COBLL1: variants seen among roughly 807,000 people sequenced by gnomAD.
COBLL1 encodes cordon-bleu WH2 repeat protein like 1.
COBLL1 carries 50 observed loss-of-function variants against 94.8 expected under a neutral mutation model. The ratio of observed to expected loss-of-function variants is 0.53; its 90% confidence interval spans 0.42 to 0.67. COBLL1 has a LOEUF of 0.67. Ranked by LOEUF, COBLL1 falls within the 30% of genes least tolerant of loss-of-function variation. The pLI is 0.00. For synonymous variants in COBLL1, 448 were observed against 473.8 expected (o/e 0.95, Z 0.71); for missense variants, 1,362 against 1,348.7 (o/e 1.01, Z -0.15).
chr2:164,787,780 T>G (rs554280389), intron 2 of COBLL1, among the ~76,000 whole-genome samples: 1 of 152,174 alleles, frequency 6.6e-6, no homozygotes, highest in Non-Finnish European at 1.5e-5. Flanking sequence ...GCTCATAACA[T>G]CCCAACTTGT....
rs138148325 is a variant in COBLL1, at chr2:164,705,043, C to A, written c.1059G>T (p.Gly353=). The stretch of plus-strand genomic sequence containing the variant: ...GCTTTGTCCTTCTCAAAGATGAATT[C>A]CCTGCAGACATGCTGCTGAGCTGCA... The part of the protein sequence containing the change: ...GSLQLSSMSA[G]NSSLRRTKRK... Residue 353 remains glycine, a synonymous_variant, in exon 8 of 14, where the codon GGG becomes GGT. Transcript: ENST00000652658. 1.9e-6 allele frequency: 3 copies of A among 1,601,460 alleles called. No individual in the cohort carries two copies. The African/African-American group carries it at 4.0e-5, about 22-fold the overall frequency.
rs1225734804 is a variant in COBLL1 at position 164,685,277 on chromosome 2, TA to T, written c.*668del. 7 of 152,164 alleles carry T rather than the reference TA, an allele frequency of 4.6e-5. No individual in the cohort carries two copies. The highest frequency in any genetic ancestry group is 1.7e-4 in the African/African-American group (7 of 41,450). 9.4% of individuals were successfully genotyped at this position (152,164 alleles called of 1,614,324 possible). A position where few individuals can be genotyped will look rare whatever the true frequency, so the allele number is the denominator to read the frequency against. On this transcript the variant is annotated 3_prime_UTR_variant, in exon 14 of 14. Coordinates refer to ENST00000652658, the MANE Select transcript of COBLL1 (RefSeq NM_001365672.2). ...ATACAGAAAATATTTAAAATTCTTG[TA>T]GAATTTAAGTTCTAAAGATTAAAAA...
In COBLL1 at chr2:164,722,175, G is replaced by A. The variant is rs370133485; in HGVS notation, c.896C>T (p.Pro299Leu). 47 of 1,613,908 alleles carry A rather than the reference G, an allele frequency of 2.9e-5. No individual in the cohort carries two copies. Among genetic ancestry groups the A allele is most frequent in the Middle Eastern group, 1.6e-4 (1 of 6,082 alleles). Residue 299 changes from proline to leucine, a missense_variant, in exon 7 of 14, where the codon CCG (proline) becomes CTG (leucine). Transcript: ENST00000652658. ...APKKRRAPLP[P>L]MPASQSVPQD... ...GGGGACACTCTGAGATGCTGGCATC[G>A]GGGGCAGTGGAGCCCGCCTCTTCTT...
chr2:164,730,539 A>C (rs1201415227), intron 3 of COBLL1, among the ~76,000 whole-genome samples: 2 of 152,058 alleles, frequency 1.3e-5, no homozygotes, highest in Admixed American at 6.6e-5. Flanking sequence ...ACAACAACAA[A>C]AATAATCTCC....
At chr2:164,799,170 C>T (rs192032356) in intron 2 of COBLL1, among the ~76,000 whole-genome samples, 1 of 152,126 alleles carries the variant, frequency 6.6e-6, no homozygotes, top group African/African-American at 2.4e-5. Context: ...CTACTTTTCC[C>T]CTCCAGTATA....
At chr2:164,833,971 G>A (rs1454906294) in intron 2 of COBLL1, among the ~76,000 whole-genome samples, 2 of 152,102 alleles carry the variant, frequency 1.3e-5, no homozygotes, top group Non-Finnish European at 2.9e-5. Flanking sequence ...TATGAAGTTT[G>A]TATTCAAAAC....
chr2:164,726,780 C>T (rs910301062), intron 5 of COBLL1, among the ~76,000 whole-genome samples: 1 of 152,008 alleles, frequency 6.6e-6, no homozygotes, highest in African/African-American at 2.4e-5. Flanking sequence ...AATGCTTCCT[C>T]GGTACTACCA....
chr2:164,698,786 T>C (rs1254123473), intron 11 of COBLL1, among the ~76,000 whole-genome samples: 1 of 151,900 alleles, frequency 6.6e-6, no homozygotes, highest in East Asian at 1.9e-4. Flanking sequence ...ATGATATGAT[T>C]TGGATAAAAA....
intron 2 of COBLL1, among the ~76,000 whole-genome samples, chr2:164,813,400 G>A (rs1684553979): frequency 1.3e-5 from 2 of 152,024 alleles, no homozygotes; most frequent in Non-Finnish European, 1.5e-5. Context: ...AGCTTCTCAG[G>A]AAAGACTTTT....
At chr2:164,775,333 T>G (rs1688414528) in intron 2 of COBLL1, among the ~76,000 whole-genome samples, 2 of 152,196 alleles carry the variant, frequency 1.3e-5, no homozygotes, top group Non-Finnish European at 2.9e-5. Context: ...AATCTTATCT[T>G]GCTTGATTTC....
At chr2:164,712,944 TAC>T (rs531668537) in intron 7 of COBLL1, among the ~76,000 whole-genome samples, 3 of 152,038 alleles carry the variant, frequency 2.0e-5, no homozygotes, top group East Asian at 1.9e-4. Flanking sequence ...TGCACATAGA[TAC>T]ACACACACAC....
At chr2:164,839,364 G>A (rs1429789525) in intron 2 of COBLL1, among the ~76,000 whole-genome samples, 3 of 148,736 alleles carry the variant, frequency 2.0e-5, no homozygotes. Context: ...AAGCCAAGGT[G>A]AGAGGATTGC....
At chr2:164,833,139 G>A (rs967993296) in intron 2 of COBLL1, among the ~76,000 whole-genome samples, 15 of 152,022 alleles carry the variant, frequency 9.9e-5, no homozygotes, top group Non-Finnish European at 1.8e-4. Flanking sequence ...CGAGTGAGGC[G>A]AGAGGATCTC....
rs1234281188 is a variant in COBLL1 at position 164,728,180 on chromosome 2, C to T, written c.450G>A (p.Val150=). 3 of 1,611,000 alleles carry T rather than the reference C, an allele frequency of 1.9e-6. No individual in the cohort carries two copies. The highest frequency in any genetic ancestry group is 2.2e-5 in the South Asian group (2 of 90,888). ...TCTTCTGTGTTTTCTTAAAATTAATCACTACTCTCACAGTTTTCTGAAACA... is the reference window on the plus strand; with the variant it reads ...TCTTCTGTGTTTTCTTAAAATTAATTACTACTCTCACAGTTTTCTGAAACA... ...PIIPEKTVRV[V]INFKKTQKTI... is the part of the protein sequence containing the mutation. The change falls in exon 5 of 14, where the codon GTG becomes GTA. Residue 150 remains valine, a synonymous_variant. Transcript: ENST00000652658.
At chr2:164,750,957 A>T (rs941628112) in intron 2 of COBLL1, among the ~76,000 whole-genome samples, 3 of 152,164 alleles carry the variant, frequency 2.0e-5, no homozygotes, top group African/African-American at 7.2e-5. Flanking sequence ...TGTTACTCCC[A>T]GTTTCAATGC....
chr2:164,787,163 T>C (rs1682892051), intron 2 of COBLL1, among the ~76,000 whole-genome samples: 2 of 152,168 alleles, frequency 1.3e-5, no homozygotes, highest in Admixed American at 1.3e-4. Context: ...CTTAGTGCTG[T>C]CACCACTCTC....
At chr2:164,822,734 A>ATATTATTAT (rs199529383) in intron 2 of COBLL1, among the ~76,000 whole-genome samples, 228 of 139,476 alleles carry the variant, frequency 1.6e-3, no homozygotes, top group East Asian at 3.2e-3. Flanking sequence ...AGATTATATT[A>ATATTATTAT]TATTATTATT....
intron 2 of COBLL1, among the ~76,000 whole-genome samples, chr2:164,764,150 G>A (rs982448750): frequency 6.6e-6 from 1 of 152,134 alleles, no homozygotes; most frequent in Non-Finnish European, 1.5e-5. Flanking sequence ...CTCCTGCCTT[G>A]GCCTCTCAAA....
intron 2 of COBLL1, among the ~76,000 whole-genome samples, chr2:164,783,585 C>T (rs1223172672): frequency 1.3e-5 from 2 of 152,226 alleles, no homozygotes; most frequent in African/African-American, 4.8e-5. Context: ...ACTCCTCCTC[C>T]ATCCCAGACA....
Sources: gnomAD v4.1 joint callset for allele counts (sites outside exome capture counted in the v4.1 genomes callset) on GRCh38, gnomAD v4.1.1 for gene constraint, MANE v1.5 for transcripts, NCBI Gene and HGNC (gene_info 2026-07-23, HGNC 2026-07-21) for gene names.